TJAP1: variants seen among roughly 807,000 people sequenced by gnomAD.
TJAP1 encodes the protein tight junction associated protein 1.
A neutral mutation model predicts 42.0 loss-of-function variants in TJAP1; 27 were observed. The ratio of observed to expected loss-of-function variants is 0.64; its 90% confidence interval spans 0.47 to 0.89. The LOEUF is 0.89. Ranked by LOEUF, TJAP1 falls within the 40% of genes least tolerant of loss-of-function variation. The pLI is 0.00. For missense variants in TJAP1, 712 were observed against 726.9 expected (o/e 0.98, Z 0.24); for synonymous variants, 257 against 288.4 (o/e 0.89, Z 1.10).
At chr6:43,504,558 C>A in intron 10 of TJAP1, 1 of 689,702 alleles carries the variant, frequency 1.4e-6, no homozygotes, top group Non-Finnish European at 2.4e-6. Flanking sequence ...CCAAGTTAAC[C>A]AAAGCTTTGA....
In TJAP1 at chr6:43,505,545, A is replaced by T; in HGVS notation, c.1364A>T (p.Glu455Val). 6.2e-7 allele frequency: 1 copy of T among 1,613,878 alleles called. No individual in the cohort carries two copies. Among genetic ancestry groups the T allele is most frequent in the Non-Finnish European group, 8.5e-7 (1 of 1,180,030 alleles). Reference sequence around the variant, plus strand: ...GCCCATAGCCCCGCTGACAGAGATGAGGTGGTCCAGGCACCTTCTGCCCGA... The same window carrying T: ...GCCCATAGCCCCGCTGACAGAGATGTGGTGGTCCAGGCACCTTCTGCCCGA... Residue 455 changes from glutamate (E) to valine (V), a missense_variant, in exon 11 of 11, where the codon GAG (glutamate) becomes GTG (valine). Glu to Val is a moderately radical substitution (Grantham distance 121). Transcript: ENST00000372449. The surrounding 1 kb of genome is among the most constrained non-coding windows in gnomAD (Gnocchi z 5.5).
intron 10 of TJAP1, chr6:43,504,457 C>G: frequency 2.3e-6 from 1 of 432,056 alleles, no homozygotes; most frequent in Non-Finnish European, 4.2e-6. Context: ...TATGCAGATT[C>G]TCCAAACTTA....
At chr6:43,496,726 G>A (rs1296688705) in intron 2 of TJAP1, among the ~76,000 whole-genome samples, 1 of 150,970 alleles carries the variant, frequency 6.6e-6, no homozygotes, top group East Asian at 2.0e-4. Flanking sequence ...GCTTTAGCCC[G>A]CAAGGCTTCC....
chr6:43,502,814 C>G (rs767673486), intron 8 of TJAP1, 197 bp downstream of exon 8: 1 of 669,916 alleles, frequency 1.5e-6, no homozygotes, highest in Admixed American at 2.3e-5. Flanking sequence ...CTGCCCTTGG[C>G]TCTGGTAGAG....
Position 43,504,935 on chromosome 6 carries a change from G to A in TJAP1, c.754G>A (p.Ala252Thr), listed in dbSNP as rs145404389. Residue 252 changes from alanine to threonine, a missense_variant, in exon 11 of 11, where the codon GCC (alanine) becomes ACC (threonine). Ala to Thr is a moderately conservative substitution (Grantham distance 58). This residue lies in a region of TJAP1 where 549 missense variants were observed against 528.2 expected (regional missense o/e 1.04). Transcript: ENST00000372449. Reference sequence around the variant, plus strand: ...GCTCAATTCAGCCCAGTCAGGCAGCGCCGGGCGCCCCTTGGCTGAGGATGT... The same window carrying A: ...GCTCAATTCAGCCCAGTCAGGCAGCACCGGGCGCCCCTTGGCTGAGGATGT... The A allele has an allele frequency of 1.8e-5, 29 of 1,614,042 alleles. No individual in the cohort carries two copies. The highest frequency in any genetic ancestry group is 5.3e-5 in the African/African-American group (4 of 74,906).
At chr6:43,490,936 G>A (rs1020756201) in intron 2 of TJAP1, among the ~76,000 whole-genome samples, 1 of 152,224 alleles carries the variant, frequency 6.6e-6, no homozygotes, top group East Asian at 1.9e-4. Context: ...AAGGAGAGGC[G>A]GGTCTGGAGA....
At chr6:43,501,948 CT>C in intron 6 of TJAP1, among the ~76,000 whole-genome samples, 3 of 147,016 alleles carry the variant, frequency 2.0e-5, no homozygotes, top group African/African-American at 7.6e-5. Context: ...CTCTCTCTCT[CT>C]CTCTCTCCTT....
chr6:43,505,524 A>G lies in TJAP1; in HGVS notation c.1343A>G (p.His448Arg), dbSNP rs771231383. ...CCTGAGCTGCAGCGCCATTTTGCCCATAGCCCCGCTGACAGAGATGAGGTG... is the reference window on the plus strand; with the variant it reads ...CCTGAGCTGCAGCGCCATTTTGCCCGTAGCCCCGCTGACAGAGATGAGGTG... The change falls in exon 11 of 11, where the codon CAT becomes CGT. Residue 448 changes from histidine to arginine, a missense_variant. Around this residue, in one of 3 missense-constraint regions of TJAP1, gnomAD observed 549 missense variants for 528.2 expected, o/e 1.04. Coordinates refer to ENST00000372449, the Ensembl canonical transcript of TJAP1. This position sits in a 1 kb window ranked among gnomAD's most constrained non-coding sequence, Gnocchi z 5.5. 7 of 1,613,822 alleles carry G rather than the reference A, an allele frequency of 4.3e-6. No homozygotes were observed. In the East Asian group the frequency reaches 1.3e-4, roughly 31 times the overall value.
chr6:43,501,651 G>A (rs146187721), exon 6 of TJAP1: 41 of 1,518,274 alleles, frequency 2.7e-5, no homozygotes, highest in African/African-American at 1.2e-4. Context: ...GGCCAGAGCC[G>A]CGAGGAGCTG....
intron 6 of TJAP1, among the ~76,000 whole-genome samples, chr6:43,501,963 T>G (rs1790909011): frequency 1.5e-5 from 2 of 133,312 alleles, no homozygotes; most frequent in Admixed American, 7.7e-5. Context: ...TCTCCTTTCA[T>G]AGGAGGTTAG....
At chr6:43,503,627 G>A (rs774901196) in exon 10 of TJAP1, 55 of 1,614,044 alleles carry the variant, frequency 3.4e-5, no homozygotes, top group Non-Finnish European at 4.6e-5. Flanking sequence ...CTGTAGGAGC[G>A]GTACCGGCTG....
chr6:43,503,000 G>A (rs971430145), intron 8 of TJAP1: 9 of 453,314 alleles, frequency 2.0e-5, no homozygotes, highest in Middle Eastern at 6.3e-4. Context: ...GGCTGCCACC[G>A]CGCCCTGCTT....
At chr6:43,504,534 G>T in intron 10 of TJAP1, 1 of 602,864 alleles carries the variant, frequency 1.7e-6, no homozygotes, top group Non-Finnish European at 2.9e-6. Context: ...AGCAGATCCG[G>T]GTTTAAATCT....
chr6:43,503,873 C>A (rs975586434), intron 10 of TJAP1, 167 bp downstream of exon 10: 3 of 727,702 alleles, frequency 4.1e-6, no homozygotes, highest in Non-Finnish European at 7.6e-6. Context: ...GGTTGGTGTC[C>A]CGTGTACTGT....
chr6:43,498,741 T>C (rs1395253994), intron 3 of TJAP1, among the ~76,000 whole-genome samples: 1 of 152,186 alleles, frequency 6.6e-6, no homozygotes, highest in African/African-American at 2.4e-5. Context: ...CCCTAGGCCC[T>C]GCCTTTCCCA....
chr6:43,503,846 C>G, intron 10 of TJAP1, 140 bp downstream of exon 10: 1 of 770,036 alleles, frequency 1.3e-6, no homozygotes, highest in South Asian at 1.5e-5. Context: ...CCTCTCAAGC[C>G]AGTCAACTCT....
chr6:43,490,182 T>C (rs113651696), intron 2 of TJAP1, among the ~76,000 whole-genome samples: 42 of 152,308 alleles, frequency 2.8e-4, no homozygotes, highest in African/African-American at 9.9e-4. Context: ...CCCTCTATTT[T>C]CCCAGTCTCC....
chr6:43,506,027 C>CA, exon 11 of TJAP1: 1 of 532,388 alleles, frequency 1.9e-6, no homozygotes, highest in Non-Finnish European at 2.9e-6. Context: ...CTGTCAGCTG[C>CA]GTTGACTGAC....
intron 2 of TJAP1, among the ~76,000 whole-genome samples, chr6:43,489,092 A>T (rs1417468997): frequency 6.6e-6 from 1 of 152,010 alleles, no homozygotes; most frequent in Non-Finnish European, 1.5e-5. Context: ...GTGTGGATAT[A>T]TGTGTTGCAG....
Sources: gnomAD v4.1 joint callset for allele counts (sites outside exome capture counted in the v4.1 genomes callset) on GRCh38, gnomAD v4.1.1 for gene constraint, gnomAD v4.1.1 regional missense constraint, Gnocchi (gnomAD v3.1) non-coding constraint, MANE v1.5 for transcripts, NCBI Gene and HGNC (gene_info 2026-07-23, HGNC 2026-07-21) for gene names.